Variants in PPFIA2 observed in about 807,000 individuals in gnomAD.
PPFIA2 encodes PPFI scaffold protein A2.
A neutral mutation model predicts 175.5 loss-of-function variants in PPFIA2; 46 were observed. That is an observed-to-expected ratio of 0.26 (90% CI 0.21 to 0.34). The LOEUF is 0.34. Ranked by LOEUF, PPFIA2 falls within the 10% of genes least tolerant of loss-of-function variation. PPFIA2 has a pLI of 1.00. For missense variants in PPFIA2, 1,179 were observed against 1,506.1 expected, an observed-to-expected ratio of 0.78 and a Z score of 3.60; for synonymous variants, 568 against 511.4, an observed-to-expected ratio of 1.11 and a Z score of -1.49.
chr12:81,632,042 T>C (rs571501311), intron 4 of PPFIA2, among the ~76,000 whole-genome samples: 1 of 152,336 alleles, frequency 6.6e-6, no homozygotes, highest in Admixed American at 6.5e-5. Context: ...TTTACTTTTA[T>C]AAACCATTAA....
At chr12:81,518,546 T>C (rs1238682830) in intron 4 of PPFIA2, among the ~76,000 whole-genome samples, 1 of 152,138 alleles carries the variant, frequency 6.6e-6, no homozygotes, top group Non-Finnish European at 1.5e-5. Context: ...ACTTTCTTAC[T>C]GACACCTTCA....
Position 81,513,956 on chromosome 12 carries a change from A to G in PPFIA2, c.304-56090T>C, listed in dbSNP as rs1173781973. ...AATTAAACTGCATTGCTCTACAAAA[A>G]TGAACAAGCAAAGAAACCACAAAGT... On this transcript the variant is annotated intron_variant, in intron 4 of 32. Transcript: ENST00000549396. Among the ~76,000 whole-genome samples, 7 of 152,162 alleles carry G rather than the reference A, an allele frequency of 4.6e-5. No individual in the cohort carries two copies. The South Asian group carries it at 1.2e-3, about 27-fold the overall frequency.
At chr12:81,412,378 A>C (rs2044143231) in intron 7 of PPFIA2, among the ~76,000 whole-genome samples, 1 of 151,552 alleles carries the variant, frequency 6.6e-6, no homozygotes, top group Non-Finnish European at 1.5e-5. Flanking sequence ...CTACAATAAC[A>C]AAATAGCAAT....
At chr12:81,754,471 G>T (rs1320959588) in intron 2 of PPFIA2, among the ~76,000 whole-genome samples, 1 of 152,006 alleles carries the variant, frequency 6.6e-6, no homozygotes, top group African/African-American at 2.4e-5. Context: ...TATGCAACTT[G>T]GTTTCACCTG....
chr12:81,264,364 A>G (rs1307957686), intron 30 of PPFIA2, among the ~76,000 whole-genome samples: 1 of 152,236 alleles, frequency 6.6e-6, no homozygotes. Context: ...GTAGCAATAT[A>G]TAATTCAGCA....
At chr12:81,572,576 T>C (rs1010399589) in intron 4 of PPFIA2, among the ~76,000 whole-genome samples, 4 of 152,006 alleles carry the variant, frequency 2.6e-5, no homozygotes, top group Non-Finnish European at 5.9e-5. Flanking sequence ...TTAGAATAAA[T>C]GTAGTTACTT....
intron 4 of PPFIA2, among the ~76,000 whole-genome samples, chr12:81,627,777 T>C (rs1347956729): frequency 6.6e-6 from 1 of 152,186 alleles, no homozygotes; most frequent in Non-Finnish European, 1.5e-5. Context: ...GGTTGCCCTC[T>C]TGTGGCCATC....
chr12:81,563,794 T>G (rs1309565795), intron 4 of PPFIA2, among the ~76,000 whole-genome samples: 1 of 152,228 alleles, frequency 6.6e-6, no homozygotes, highest in African/African-American at 2.4e-5. Flanking sequence ...GCCATTATCA[T>G]GCAGCAGGCA....
intron 3 of PPFIA2, among the ~76,000 whole-genome samples, chr12:81,739,216 A>ATTTT (rs2082031661): frequency 6.6e-6 from 1 of 152,066 alleles, no homozygotes; most frequent in Non-Finnish European, 1.5e-5. Flanking sequence ...TTTTTAAAAA[A>ATTTT]ACAAATTAAA....
At chr12:81,594,215 C>G (rs1192433216) in intron 4 of PPFIA2, among the ~76,000 whole-genome samples, 2 of 152,032 alleles carry the variant, frequency 1.3e-5, no homozygotes, top group South Asian at 4.1e-4. Flanking sequence ...TCCAGAAAAC[C>G]AGTGTCTGGT....
chr12:81,421,070 T>G (rs2046158402), intron 7 of PPFIA2, among the ~76,000 whole-genome samples: 1 of 152,058 alleles, frequency 6.6e-6, no homozygotes. Context: ...TCCAACAAAA[T>G]TATTCTTTAA....
intron 4 of PPFIA2, among the ~76,000 whole-genome samples, chr12:81,592,016 A>G (rs1595381310): frequency 6.6e-6 from 1 of 152,190 alleles, no homozygotes. Flanking sequence ...CTGTAAAGCC[A>G]TAGGGGTGGA....
Position 81,501,311 on chromosome 12 carries a change from C to G in PPFIA2, c.304-43445G>C, listed in dbSNP as rs141763442. On this transcript the variant is annotated intron_variant, in intron 4 of 32. Coordinates refer to ENST00000549396, the MANE Select transcript of PPFIA2 (RefSeq NM_003625.5). ...TAGTTATTCCCTCACCTCAGTCAAG[C>G]CTTTATTTAGATGCCCCCTTCTCAT... 7.5e-3 allele frequency among the ~76,000 whole-genome samples: 1,146 copies of G among 152,284 alleles called. 13 individuals are homozygous for G. The highest frequency in any genetic ancestry group is 0.025 in the African/African-American group (1,054 of 41,570).
At chr12:81,562,846 CAAAAAAAA>C (rs11475809) in intron 4 of PPFIA2, among the ~76,000 whole-genome samples, 69 of 29,580 alleles carry the variant, frequency 2.3e-3, no homozygotes, top group African/African-American at 1.6e-3. Context: ...GACTCTGTCT[CAAAAAAAA>C]AAAAAAAAAA....
At chr12:81,670,729 A>G (rs760699953) in intron 4 of PPFIA2, among the ~76,000 whole-genome samples, 76 of 151,948 alleles carry the variant, frequency 5.0e-4, no homozygotes, top group Middle Eastern at 3.2e-3. Flanking sequence ...TCTCACCAAG[A>G]TAATTTCTTC....
intron 9 of PPFIA2, among the ~76,000 whole-genome samples, chr12:81,376,477 T>C (rs2141745499): frequency 6.6e-6 from 1 of 152,190 alleles, no homozygotes; most frequent in African/African-American, 2.4e-5. Flanking sequence ...CTTAGAAACT[T>C]AGCCATTTAC....
intron 3 of PPFIA2, among the ~76,000 whole-genome samples, chr12:81,736,478 C>T (rs1160899021): frequency 6.6e-6 from 1 of 151,912 alleles, no homozygotes; most frequent in Non-Finnish European, 1.5e-5. Context: ...AAGGCAGTAA[C>T]ACAGTCAGAT....
At chr12:81,425,503 C>T (rs898142840) in intron 7 of PPFIA2, among the ~76,000 whole-genome samples, 2 of 152,094 alleles carry the variant, frequency 1.3e-5, no homozygotes, top group African/African-American at 4.8e-5. Flanking sequence ...TGCCACCATG[C>T]CCGGCTAAAT....
At chr12:81,504,689 G>A (rs2400953) in intron 4 of PPFIA2, among the ~76,000 whole-genome samples, 45,933 of 152,010 alleles carry the variant, frequency 0.3, 7,338 homozygotes, top group African/African-American at 0.4. Context: ...AAGGACACAT[G>A]TACAGCTATG....
Sources: allele counts gnomAD v4.1 joint callset (sites outside exome capture counted in the v4.1 genomes callset), GRCh38; gene constraint gnomAD v4.1.1; transcripts MANE v1.5; gene names NCBI Gene and HGNC (gene_info 2026-07-23, HGNC 2026-07-21).